The following TCF12 variants were observed in gnomAD, a reference collection of about 807,000 sequenced individuals.
TCF12 encodes transcription factor 12.
Under a neutral mutation model 86.0 loss-of-function variants are expected in TCF12, and 45 were observed. The ratio of observed to expected loss-of-function variants is 0.52; its 90% CI spans 0.41 to 0.67. The LOEUF is 0.67. Among genes scored for constraint, TCF12 ranks in the 30% least tolerant of loss-of-function variants. TCF12 has a pLI of 0.00. For missense variants in TCF12, 881 were observed against 859.9 expected, an observed-to-expected ratio of 1.02 and a Z score of -0.31; for synonymous variants, 330 against 299.6, an observed-to-expected ratio of 1.10 and a Z score of -1.05.
At chr15:56,998,117 C>T (rs1240303767) in intron 3 of TCF12, among the ~76,000 whole-genome samples, 1 of 152,158 alleles carries the variant, frequency 6.6e-6, no homozygotes, top group African/African-American at 2.4e-5. Flanking sequence ...CCACATTCTT[C>T]TCTTACGAAT....
At chr15:56,959,944 A>G (rs1460508107) in intron 3 of TCF12, among the ~76,000 whole-genome samples, 2 of 152,196 alleles carry the variant, frequency 1.3e-5, no homozygotes, top group African/African-American at 4.8e-5. Flanking sequence ...CAACTTGAAA[A>G]AAATCAAAAG....
At chr15:57,163,593 C>T (rs2054648877) in intron 5 of TCF12, among the ~76,000 whole-genome samples, 2 of 151,926 alleles carry the variant, frequency 1.3e-5, no homozygotes, top group South Asian at 2.1e-4. Context: ...GTTCCAGCTA[C>T]TTGGGAGGCT....
At chr15:56,950,732 C>T in intron 3 of TCF12, among the ~76,000 whole-genome samples, 1 of 113,996 alleles carries the variant, frequency 8.8e-6, no homozygotes, top group Admixed American at 9.9e-5. Flanking sequence ...ACAAATAAAG[C>T]TATTATGACC....
chr15:57,203,976 CAG>C (rs1236995989), intron 8 of TCF12, among the ~76,000 whole-genome samples: 1 of 152,164 alleles, frequency 6.6e-6, no homozygotes, highest in Non-Finnish European at 1.5e-5. Context: ...GCCTGGGTGA[CAG>C]AGGAAGAGTC....
intron 3 of TCF12, among the ~76,000 whole-genome samples, chr15:56,966,267 G>A (rs1241433289): frequency 1.3e-5 from 2 of 151,950 alleles, no homozygotes; most frequent in African/African-American, 4.8e-5. Flanking sequence ...AAAAAAGCTA[G>A]GTTTTGCCAT....
At chr15:56,948,049 G>A (rs781172201) in intron 3 of TCF12, among the ~76,000 whole-genome samples, 10 of 152,090 alleles carry the variant, frequency 6.6e-5, no homozygotes, top group Non-Finnish European at 1.5e-4. Context: ...TATCACTTTT[G>A]TAAGGGTTAT....
At position 57,150,564 on chromosome 15, in the gene TCF12, T is replaced by C. The variant is rs558685419; in HGVS notation, c.326-15838T>C. ...TTCTTTGAAGGAATACAGCAAAATC[T>C]AGCACCCAAAAATATAAACATTTTA... is the stretch of plus-strand genomic sequence containing the variant. On this transcript the variant is annotated intron_variant, in intron 5 of 20. Coordinates refer to ENST00000333725, the MANE Select transcript of TCF12 (RefSeq NM_207037.2). Among the ~76,000 whole-genome samples the C allele has an allele frequency of 3.3e-5, 5 of 152,180 alleles. No homozygotes were observed. In the South Asian group the frequency reaches 8.3e-4, roughly 25 times the overall value.
intron 3 of TCF12, among the ~76,000 whole-genome samples, chr15:56,987,619 G>A (rs188134613): frequency 2.0e-5 from 3 of 152,216 alleles, no homozygotes; most frequent in Admixed American, 2.0e-4. Flanking sequence ...CAGTTTTGGT[G>A]CATGTCAGGT....
intron 5 of TCF12, among the ~76,000 whole-genome samples, chr15:57,158,576 C>T (rs1264564822): frequency 1.3e-5 from 2 of 152,104 alleles, no homozygotes; most frequent in Non-Finnish European, 2.9e-5. Context: ...AGCACTTCTG[C>T]CAGAATTATT....
chr15:57,241,561 G>A (rs1358641061), intron 12 of TCF12, among the ~76,000 whole-genome samples: 1 of 152,186 alleles, frequency 6.6e-6, no homozygotes, highest in African/African-American at 2.4e-5. Flanking sequence ...GATAGTTGAT[G>A]TATAAAGGCA....
At chr15:56,967,758 G>C (rs955121882) in intron 3 of TCF12, among the ~76,000 whole-genome samples, 16 of 152,178 alleles carry the variant, frequency 1.1e-4, no homozygotes, top group Admixed American at 2.0e-4. Flanking sequence ...ACAAATTGAA[G>C]ATCAAGTATC....
At chr15:57,105,598 T>TA (rs2050084967) in intron 5 of TCF12, among the ~76,000 whole-genome samples, 1 of 151,188 alleles carries the variant, frequency 6.6e-6, no homozygotes, top group Admixed American at 6.6e-5. Context: ...TTTTAGTAGA[T>TA]ACAGGGGTTC....
chr15:57,256,987 A>T (rs2060376761), intron 16 of TCF12, among the ~76,000 whole-genome samples: 1 of 152,238 alleles, frequency 6.6e-6, no homozygotes, highest in Non-Finnish European at 1.5e-5. Context: ...GCCAGAGAGT[A>T]AATATTTTCA....
intron 3 of TCF12, among the ~76,000 whole-genome samples, chr15:56,977,508 C>T (rs1303575352): frequency 4.6e-5 from 7 of 151,544 alleles, no homozygotes; most frequent in South Asian, 2.1e-4. Context: ...CCACTCTGAA[C>T]GGAATTAGAA....
Position 56,919,898 on chromosome 15 carries a change from C to T in TCF12, c.-16C>T. ...CCCGTTTCCTCTGCCCTAGGACCTG[C>T]TAGAAGTGGCCGAAGATGAATCCCC... On this transcript the variant is annotated 5_prime_UTR_variant, in exon 2 of 21. Transcript: ENST00000333725. The T allele has an allele frequency of 6.2e-7, 1 of 1,613,942 alleles. No individual in the cohort carries two copies. Among genetic ancestry groups the T allele is most frequent in the Non-Finnish European group, 8.5e-7 (1 of 1,179,896 alleles).
At chr15:56,970,274 G>A (rs1169472898) in intron 3 of TCF12, among the ~76,000 whole-genome samples, 1 of 151,974 alleles carries the variant, frequency 6.6e-6, no homozygotes. Context: ...GAGTTCAGGA[G>A]TTCGAGGTCA....
At chr15:57,128,315 C>CT (rs1478542108) in intron 5 of TCF12, among the ~76,000 whole-genome samples, 4 of 152,136 alleles carry the variant, frequency 2.6e-5, no homozygotes, top group Non-Finnish European at 5.9e-5. Context: ...TCATGTTTAA[C>CT]TTCTACCGCA....
intron 14 of TCF12, among the ~76,000 whole-genome samples, chr15:57,251,710 C>G (rs2060126351): frequency 1.3e-5 from 2 of 152,004 alleles, no homozygotes; most frequent in Non-Finnish European, 1.5e-5. Context: ...GCTTCTATGT[C>G]TACATATAAA....
chr15:56,922,639 A>T (rs1419852591), intron 3 of TCF12, among the ~76,000 whole-genome samples: 1 of 152,016 alleles, frequency 6.6e-6, no homozygotes, highest in Non-Finnish European at 1.5e-5. Context: ...TTAGTTTTAA[A>T]AGTTAGATTT....
Sources: gnomAD v4.1 joint callset for allele counts (sites outside exome capture counted in the v4.1 genomes callset) on GRCh38, gnomAD v4.1.1 for gene constraint, MANE v1.5 for transcripts, NCBI Gene and HGNC (gene_info 2026-07-23, HGNC 2026-07-21) for gene names.